The following CDH9 variants were observed in gnomAD, a reference collection of about 807,000 sequenced individuals.
CDH9 encodes the protein cadherin 9.
Under a neutral mutation model 70.9 loss-of-function variants are expected in CDH9, and 28 were observed. That is an observed-to-expected ratio of 0.40 (90% CI 0.29 to 0.54). The LOEUF (loss-of-function observed/expected upper bound fraction) is 0.54, where lower values mean the gene tolerates loss of function less well. Ranked by LOEUF, CDH9 falls within the 20% of genes least tolerant of loss-of-function variation. CDH9 has a pLI of 0.59. For missense variants in CDH9, 874 were observed against 984.4 expected (o/e 0.89, Z 1.50); for synonymous variants, 409 against 343.1 (o/e 1.19, Z -2.12).
At chr5:26,930,499 G>A (rs1055028511) in intron 2 of CDH9, among the ~76,000 whole-genome samples, 18 of 151,876 alleles carry the variant, frequency 1.2e-4, no homozygotes, top group Non-Finnish European at 2.4e-4. Flanking sequence ...TTTCATCCAC[G>A]TTTGGTTGAA....
intron 1 of CDH9, among the ~76,000 whole-genome samples, chr5:26,994,535 TTTTGTTTGTTTG>T (rs146801465): frequency 4.6e-5 from 7 of 151,656 alleles, no homozygotes; most frequent in South Asian, 2.1e-4. Context: ...TCGTTTTGTT[TTTTGTTTGTTTG>T]TTTGTTTGTT....
At chr5:26,924,332 C>T (rs1209739717) in intron 2 of CDH9, among the ~76,000 whole-genome samples, 2 of 151,516 alleles carry the variant, frequency 1.3e-5, no homozygotes, top group Non-Finnish European at 2.9e-5. Flanking sequence ...TTCAACCCAC[C>T]AAGATTGGAC....
At chr5:27,013,235 C>CT (rs1358616813) in intron 1 of CDH9, among the ~76,000 whole-genome samples, 2 of 151,886 alleles carry the variant, frequency 1.3e-5, no homozygotes, top group Non-Finnish European at 2.9e-5. Flanking sequence ...CTTTAAGGCA[C>CT]TTTTTTAGTT....
At chr5:26,998,108 C>T (rs756601901) in intron 1 of CDH9, among the ~76,000 whole-genome samples, 8 of 152,144 alleles carry the variant, frequency 5.3e-5, no homozygotes, top group Non-Finnish European at 8.8e-5. Flanking sequence ...GGGCATTCCA[C>T]ACCCAGCATA....
Position 27,035,816 on chromosome 5 carries a change from T to C in CDH9, c.-50+2647A>G, listed in dbSNP as rs1333016478. Among the ~76,000 whole-genome samples, 5 of 151,704 alleles carry C rather than the reference T, an allele frequency of 3.3e-5. No homozygotes were observed. The Admixed American group carries it at 3.3e-4, about 10-fold the overall frequency. On this transcript the variant is annotated intron_variant, in intron 1 of 11. Coordinates refer to ENST00000231021, the MANE Select transcript of CDH9 (RefSeq NM_016279.4). The stretch of plus-strand genomic sequence containing the variant: ...AATATAAGATTATTTCTACATCATA[T>C]TTAAATGTGCCTTTGAGTGAGCAAA...
At chr5:26,959,837 A>G (rs984919782) in intron 2 of CDH9, among the ~76,000 whole-genome samples, 4 of 151,976 alleles carry the variant, frequency 2.6e-5, no homozygotes. Flanking sequence ...GTGGCAGAAA[A>G]CAGATTAGTG....
chr5:26,927,359 A>G (rs1170549520), intron 2 of CDH9, among the ~76,000 whole-genome samples: 1 of 152,064 alleles, frequency 6.6e-6, no homozygotes, highest in Non-Finnish European at 1.5e-5. Flanking sequence ...CAAGTTCACC[A>G]CTGTTATTCA....
At position 27,004,179 on chromosome 5, in the gene CDH9, T is replaced by C. The variant is rs183132522; in HGVS notation, c.-49-15797A>G. On this transcript the variant is annotated intron_variant, in intron 1 of 11. Coordinates refer to ENST00000231021, the MANE Select transcript of CDH9 (RefSeq NM_016279.4). Reference sequence around the variant, plus strand: ...ATTTGAGCAGAAAGCTGAAGGGAGATAGGGCATGAGACATGATGATATCAA... The same window carrying C: ...ATTTGAGCAGAAAGCTGAAGGGAGACAGGGCATGAGACATGATGATATCAA... 4.1e-5 allele frequency among the ~76,000 whole-genome samples: 6 copies of C among 146,960 alleles called. No homozygotes were observed. The East Asian group carries it at 6.0e-4, about 15-fold the overall frequency.
chr5:26,961,786 C>T (rs1384885741), intron 2 of CDH9, among the ~76,000 whole-genome samples: 2 of 152,120 alleles, frequency 1.3e-5, no homozygotes, highest in African/African-American at 2.4e-5. Context: ...TCGTCACCAC[C>T]CATAAACCTA....
At chr5:26,924,543 A>G (rs897642858) in intron 2 of CDH9, among the ~76,000 whole-genome samples, 1 of 148,106 alleles carries the variant, frequency 6.8e-6, no homozygotes, top group African/African-American at 2.5e-5. Context: ...TATATATAAA[A>G]TAAGTATTTT....
chr5:26,917,115 A>C (rs930631449), intron 2 of CDH9, among the ~76,000 whole-genome samples: 1 of 152,006 alleles, frequency 6.6e-6, no homozygotes, highest in Non-Finnish European at 1.5e-5. Context: ...TCTGAAAATA[A>C]TTTTTTAAAA....
chr5:26,892,805 A>G (rs2111975907), intron 7 of CDH9, among the ~76,000 whole-genome samples: 1 of 152,100 alleles, frequency 6.6e-6, no homozygotes, highest in Middle Eastern at 3.4e-3. Context: ...ATCTCGGCTC[A>G]CTGCAAGCTC....
At chr5:27,000,133 C>A (rs1230451780) in intron 1 of CDH9, among the ~76,000 whole-genome samples, 1 of 151,992 alleles carries the variant, frequency 6.6e-6, no homozygotes, top group Non-Finnish European at 1.5e-5. Context: ...TAACACATAT[C>A]TGATAAGGAC....
intron 1 of CDH9, among the ~76,000 whole-genome samples, chr5:27,015,643 T>C (rs1419118768): frequency 6.6e-6 from 1 of 151,676 alleles, no homozygotes; most frequent in Non-Finnish European, 1.5e-5. Context: ...ATAAAATATA[T>C]GATATGCTTT....
In CDH9 at chr5:26,903,685, A is replaced by G. The variant is rs1740896654; in HGVS notation, c.951T>C (p.Asp317=). ...CCTGTGTATCCTTGTCAGTGATGAC[A>G]TCGAACATGTCTGCACCATCTCCTT... ...IAEGDGADMF[D]VITDKDTQEG... The change falls in exon 6 of 12, where the codon GAT becomes GAC. Residue 317 remains aspartate, a synonymous_variant. Coordinates refer to ENST00000231021, the MANE Select transcript of CDH9 (RefSeq NM_016279.4). The G allele has an allele frequency of 6.2e-7, 1 of 1,611,276 alleles. No homozygotes were observed.
In CDH9 at chr5:26,988,210, T is replaced by G; in HGVS notation, c.124A>C (p.Lys42Gln). 6.2e-7 allele frequency: 1 copy of G among 1,613,618 alleles called. No individual in the cohort carries two copies. Among genetic ancestry groups the G allele is most frequent in the Non-Finnish European group, 8.5e-7 (1 of 1,179,678 alleles). ...LSSKKIAGLT[K>Q]DDGKMLRRTK... ...CGACGTAGCATTTTACCGTCATCTT[T>G]TGTCAGACCCGCTATCTTTTTGCTT... The change falls in exon 2 of 12, where the codon AAA becomes CAA. Residue 42 changes from lysine to glutamine, a missense_variant. Transcript: ENST00000231021.
intron 2 of CDH9, among the ~76,000 whole-genome samples, chr5:26,926,601 G>C (rs1741344383): frequency 6.6e-6 from 1 of 151,682 alleles, no homozygotes; most frequent in African/African-American, 2.4e-5. Context: ...CTACTTTAAA[G>C]TTCATATGGA....
intron 2 of CDH9, among the ~76,000 whole-genome samples, chr5:26,927,933 C>G (rs1266689199): frequency 6.6e-6 from 1 of 152,030 alleles, no homozygotes; most frequent in Admixed American, 6.6e-5. Context: ...TACCCCTGCT[C>G]CTCAAGTTAG....
intron 1 of CDH9, among the ~76,000 whole-genome samples, chr5:27,001,838 A>ACTCTCTCTCT (rs1186197846): frequency 4.9e-5 from 6 of 123,166 alleles, no homozygotes; most frequent in African/African-American, 1.9e-4. Flanking sequence ...ATACACACAC[A>ACTCTCTCTCT]CACACACTCT....
Sources: allele counts gnomAD v4.1 joint callset (sites outside exome capture counted in the v4.1 genomes callset), GRCh38; gene constraint gnomAD v4.1.1; transcripts MANE v1.5; gene names NCBI Gene and HGNC (gene_info 2026-07-23, HGNC 2026-07-21).